The following DYNC1LI1 variants were observed in gnomAD, a reference collection of about 807,000 sequenced individuals.
The protein encoded by DYNC1LI1 is cytoplasmic dynein 1 light intermediate chain 1.
A neutral mutation model predicts 63.8 loss-of-function variants in DYNC1LI1; 19 were observed. The ratio of observed to expected loss-of-function variants is 0.30; its 90% CI spans 0.21 to 0.44. The LOEUF is 0.44. Ranked by LOEUF, DYNC1LI1 falls within the 20% of genes least tolerant of loss-of-function variation. The probability of loss-of-function intolerance (pLI) is 1.00; values close to 1 mark genes in which losing one functional copy is unlikely to be tolerated. For synonymous variants in DYNC1LI1, 225 were observed against 232.3 expected, an observed-to-expected ratio of 0.97 and a Z score of 0.28; for missense variants, 565 against 630.2, an observed-to-expected ratio of 0.90 and a Z score of 1.11.
At chr3:32,550,432 AAAAC>A (rs1231991745) in intron 2 of DYNC1LI1, among the ~76,000 whole-genome samples, 7 of 152,342 alleles carry the variant, frequency 4.6e-5, no homozygotes, top group East Asian at 3.9e-4. Context: ...ACTCCGTCTC[AAAAC>A]AAACAAACAA....
In DYNC1LI1 at chr3:32,530,327, G is replaced by C. The variant is rs1443140783; in HGVS notation, c.1142C>G (p.Ser381Cys). The C allele has an allele frequency of 1.3e-6, 2 of 1,571,286 alleles. No homozygotes were observed. The highest frequency in any genetic ancestry group is 2.9e-5 in the African/African-American group (2 of 68,814). Residue 381 changes from serine to cysteine, a missense_variant and splice_region_variant, in exon 10 of 13, where the codon TCC becomes TGC. Ser to Cys is a moderately radical substitution (Grantham distance 112). Transcript: ENST00000273130. ...AGTTGGTGGTTGCTTTGCTAAAAGG[G>C]ACTGAAAAAAAAAAAAAAAAAGAAT... ...DDQVFLMKLQ[S>C]LLAKQPPTAA... is the part of the protein sequence containing the mutation.
intron 8 of DYNC1LI1, chr3:32,532,495 A>ATGTATG (rs553742450): frequency 6.8e-6 from 1 of 146,726 alleles, no homozygotes; most frequent in African/African-American, 2.5e-5. Flanking sequence ...GTGTATATAT[A>ATGTATG]TATATATATA....
At chr3:32,552,510 T>C (rs558263883) in intron 2 of DYNC1LI1, among the ~76,000 whole-genome samples, 1 of 151,586 alleles carries the variant, frequency 6.6e-6, no homozygotes, top group Admixed American at 6.6e-5. Flanking sequence ...ACATTCTTTA[T>C]TTTTTTTTCC....
At chr3:32,541,874 A>G (rs928566454) in intron 4 of DYNC1LI1, among the ~76,000 whole-genome samples, 2 of 152,248 alleles carry the variant, frequency 1.3e-5, no homozygotes, top group Non-Finnish European at 2.9e-5. Context: ...ATGCACATAC[A>G]TAGGGATTTC....
chr3:32,540,926 C>CA, intron 5 of DYNC1LI1, 111 bp downstream of exon 5: 1 of 726,576 alleles, frequency 1.4e-6, no homozygotes, highest in Non-Finnish European at 2.1e-6. Flanking sequence ...TGTTTGTTAA[C>CA]AAAAAATCAT....
chr3:32,538,043 AT>A lies in DYNC1LI1; in HGVS notation c.739-940del, dbSNP rs1263703734. 2.8e-3 allele frequency among the ~76,000 whole-genome samples: 22 copies of A among 7,802 alleles called. 2 individuals carry two copies. The highest frequency in any genetic ancestry group is 6.8e-3 in the Admixed American group (2 of 292). 5.1% of individuals were successfully genotyped at this position (7,802 alleles called of 152,430 possible). ...TATAATTTATATATATAATATATAT[AT>A]ATAATTATATATATATAATTTATTA... On this transcript the variant is annotated intron_variant, in intron 5 of 12. Transcript: ENST00000273130.
At position 32,570,603 on chromosome 3, in the gene DYNC1LI1, G is replaced by A. The variant is rs750969011; in HGVS notation, c.146+22C>T. On this transcript the variant is annotated intron_variant, in intron 1 of 12. Coordinates refer to ENST00000273130, the MANE Select transcript of DYNC1LI1 (RefSeq NM_016141.4). ...AAGGCCGGGGGAGCCAGCGGGGGCT[G>A]AGGGAGAGGTGGAGTCGTTACCAAA... The A allele has an allele frequency of 2.6e-5, 41 of 1,554,416 alleles. 1 individual carries two copies. In the South Asian group the frequency reaches 4.6e-4, roughly 17 times the overall value.
chr3:32,552,921 T>C (rs1421777207), intron 2 of DYNC1LI1, among the ~76,000 whole-genome samples: 2 of 152,048 alleles, frequency 1.3e-5, no homozygotes, highest in Non-Finnish European at 2.9e-5. Flanking sequence ...GGCCAGGATC[T>C]CTTGACCTCG....
chr3:32,553,718 A>G (rs960115258), intron 2 of DYNC1LI1, among the ~76,000 whole-genome samples: 1 of 152,214 alleles, frequency 6.6e-6, no homozygotes, highest in African/African-American at 2.4e-5. Flanking sequence ...TGCCAACTGT[A>G]ACTAACACAA....
Position 32,528,558 on chromosome 3 carries a change from A to G in DYNC1LI1, c.1350T>C (p.Ser450=), listed in dbSNP as rs781525477. 9 of 1,613,444 alleles carry G rather than the reference A, an allele frequency of 5.6e-6. No homozygotes were observed. The highest frequency in any genetic ancestry group is 4.0e-5 in the African/African-American group (3 of 74,894). The change falls in exon 12 of 13, where the codon AGT becomes AGC. Residue 450 remains serine, a synonymous_variant. Transcript: ENST00000273130. ...GAGAGCCAGTCTTTTTACTCAACAA[A>G]CTGTTGAAGAAATTTGCCAGAACGC... is the stretch of plus-strand genomic sequence containing the variant. The part of the protein sequence containing the change: ...SEGVLANFFN[S]LLSKKTGSPG...
At chr3:32,570,445 A>G in intron 1 of DYNC1LI1, 26 bp from the exon 2 acceptor site, 1 of 1,562,124 alleles carries the variant, frequency 6.4e-7, no homozygotes, top group Non-Finnish European at 8.7e-7. Flanking sequence ...GCGTACGGTG[A>G]GGCCGGAGGC....
rs556406474 is a variant in DYNC1LI1 at position 32,543,832 on chromosome 3, A to G, written c.568+1044T>C. Among the ~76,000 whole-genome samples, 3 of 151,410 alleles carry G rather than the reference A, an allele frequency of 2.0e-5. No individual in the cohort carries two copies. In the East Asian group the frequency reaches 5.9e-4, roughly 30 times the overall value. ...GTAATCCCAGCACTTTGGGAGTCTG[A>G]GCAAGGTGGATCGCTTGAGCTCAGG... On this transcript the variant is annotated intron_variant, in intron 4 of 12. Coordinates refer to ENST00000273130, the MANE Select transcript of DYNC1LI1 (RefSeq NM_016141.4).
At chr3:32,553,538 G>T (rs1439866901) in intron 2 of DYNC1LI1, among the ~76,000 whole-genome samples, 1 of 152,124 alleles carries the variant, frequency 6.6e-6, no homozygotes. Context: ...ACACAAAAAG[G>T]ATAAAGTCAA....
chr3:32,547,142 C>A (rs893117764), intron 2 of DYNC1LI1, among the ~76,000 whole-genome samples: 1 of 152,110 alleles, frequency 6.6e-6, no homozygotes, highest in African/African-American at 2.4e-5. Flanking sequence ...ACTCGGGAGA[C>A]TGAGGCAGGA....
chr3:32,569,822 T>C (rs1429481282), intron 2 of DYNC1LI1, among the ~76,000 whole-genome samples: 1 of 152,152 alleles, frequency 6.6e-6, no homozygotes, highest in Non-Finnish European at 1.5e-5. Context: ...ATTTCAGAAT[T>C]ATATGTGACA....
intron 8 of DYNC1LI1, chr3:32,531,953 T>C (rs1237803621): frequency 6.6e-6 from 1 of 152,172 alleles, no homozygotes; most frequent in Non-Finnish European, 1.5e-5. Context: ...AATAAGCATT[T>C]CCTTTTGAGA....
intron 2 of DYNC1LI1, among the ~76,000 whole-genome samples, chr3:32,563,111 T>C (rs1208894628): frequency 6.6e-6 from 1 of 152,138 alleles, no homozygotes; most frequent in Non-Finnish European, 1.5e-5. Flanking sequence ...AGCTGAGTCT[T>C]AGTCATCCTG....
At chr3:32,533,881 T>C (rs559635474) in intron 7 of DYNC1LI1, among the ~76,000 whole-genome samples, 59 of 148,810 alleles carry the variant, frequency 4.0e-4, no homozygotes, top group African/African-American at 1.4e-3. Context: ...AACTTTCTTT[T>C]TTTTTTTTTT....
chr3:32,555,134 T>A (rs1439823960), intron 2 of DYNC1LI1, among the ~76,000 whole-genome samples: 1 of 152,200 alleles, frequency 6.6e-6, no homozygotes, highest in Non-Finnish European at 1.5e-5. Context: ...CCTCCCAAAG[T>A]GCTGCAATTA....
Sources: allele counts gnomAD v4.1 joint callset (sites outside exome capture counted in the v4.1 genomes callset), GRCh38; gene constraint gnomAD v4.1.1; transcripts MANE v1.5; gene names NCBI Gene and HGNC (gene_info 2026-07-23, HGNC 2026-07-21).